Variants in TENM2 observed in about 807,000 individuals in gnomAD.
TENM2 encodes teneurin transmembrane protein 2.
Under a neutral mutation model 245.2 loss-of-function variants are expected in TENM2, and 52 were observed. The ratio of observed to expected loss-of-function variants is 0.21; its 90% CI spans 0.17 to 0.27. The LOEUF is 0.27. Ranked by LOEUF, TENM2 falls within the 10% of genes least tolerant of loss-of-function variation. The pLI is 1.00. For missense variants in TENM2, 3,046 were observed against 3,666.8 expected (o/e 0.83, Z 4.37); for synonymous variants, 1,363 against 1,438.9 (o/e 0.95, Z 1.19).
intron 3 of TENM2, chr5:167,938,119 T>C (rs1649464464): frequency 6.6e-6 from 1 of 152,224 alleles, no homozygotes; most frequent in Non-Finnish European, 1.5e-5. Flanking sequence ...AGACAGTTGA[T>C]AAATACCACA....
intron 25 of TENM2, among the ~76,000 whole-genome samples, chr5:168,228,780 C>T (rs1764514610): frequency 7.7e-6 from 1 of 129,528 alleles, no homozygotes; most frequent in Non-Finnish European, 1.5e-5. Flanking sequence ...GGAGTTTTAG[C>T]CAACCCTCGT....
chr5:168,047,011 G>A (rs1056465356), intron 5 of TENM2, among the ~76,000 whole-genome samples: 2 of 152,160 alleles, frequency 1.3e-5, no homozygotes, highest in Non-Finnish European at 2.9e-5. Context: ...TGTATAGTTT[G>A]GGGAAACAAT....
chr5:167,169,523 A>G, the TENM2 span, among the ~76,000 whole-genome samples: 1 of 152,116 alleles, frequency 6.6e-6, no homozygotes. Context: ...CTCTCCCTGT[A>G]AAATAATCAG....
At chr5:167,589,061 G>T (rs184967826) in intron 2 of TENM2, among the ~76,000 whole-genome samples, 2 of 152,208 alleles carry the variant, frequency 1.3e-5, no homozygotes, top group African/African-American at 4.8e-5. Flanking sequence ...AATTAGCTGG[G>T]TCTATTGGCA....
chr5:167,806,659 C>T (rs1766199233), intron 2 of TENM2, among the ~76,000 whole-genome samples: 1 of 152,094 alleles, frequency 6.6e-6, no homozygotes, highest in African/African-American at 2.4e-5. Context: ...CTTGTGACAT[C>T]AACTGCGAAG....
chr5:167,929,069 G>GAAAGA (rs1554148034), intron 3 of TENM2, among the ~76,000 whole-genome samples: 3 of 18,846 alleles, frequency 1.6e-4, no homozygotes, highest in African/African-American at 7.0e-4. Context: ...GAGAAAGAAA[G>GAAAGA]AAAGAAAGAA....
At chr5:167,885,958 C>T (rs563714749) in intron 3 of TENM2, among the ~76,000 whole-genome samples, 3 of 152,330 alleles carry the variant, frequency 2.0e-5, no homozygotes, top group East Asian at 1.9e-4. Flanking sequence ...GCTGGGATTA[C>T]AGGCATGAGC....
chr5:167,346,929 C>T (rs936068917), intron 1 of TENM2, among the ~76,000 whole-genome samples: 1 of 152,028 alleles, frequency 6.6e-6, no homozygotes, highest in Non-Finnish European at 1.5e-5. Context: ...TGTACGCCTC[C>T]ACACCCAGCT....
chr5:167,395,066 G>T (rs1761976110), intron 2 of TENM2, among the ~76,000 whole-genome samples: 1 of 152,104 alleles, frequency 6.6e-6, no homozygotes, highest in African/African-American at 2.4e-5. Context: ...TGCATTGGAG[G>T]TGTAGATTGC....
chr5:167,593,962 A>C (rs1776038881), intron 2 of TENM2, among the ~76,000 whole-genome samples: 1 of 152,220 alleles, frequency 6.6e-6, no homozygotes, highest in African/African-American at 2.4e-5. Flanking sequence ...AACCACATGT[A>C]GATTTAGAGA....
At chr5:167,721,851 C>T (rs915015591) in intron 2 of TENM2, among the ~76,000 whole-genome samples, 4 of 152,140 alleles carry the variant, frequency 2.6e-5, no homozygotes, top group African/African-American at 7.2e-5. Flanking sequence ...ATTTCCAATG[C>T]GATTTGACAG....
chr5:167,724,991 C>T (rs777722341), intron 2 of TENM2, among the ~76,000 whole-genome samples: 3 of 152,134 alleles, frequency 2.0e-5, no homozygotes, highest in Non-Finnish European at 4.4e-5. Flanking sequence ...AATGTCCTTT[C>T]TTTTCCAAAT....
chr5:167,148,012 C>A, the TENM2 span, among the ~76,000 whole-genome samples: 1 of 152,156 alleles, frequency 6.6e-6, no homozygotes, highest in Non-Finnish European at 1.5e-5. Flanking sequence ...TGCCACTTAT[C>A]TCTAGATTCC....
intron 23 of TENM2, among the ~76,000 whole-genome samples, chr5:168,221,489 T>C (rs1763668187): frequency 6.6e-6 from 1 of 152,192 alleles, no homozygotes; most frequent in Non-Finnish European, 1.5e-5. Context: ...GGGCTATGAA[T>C]GGAATTTGTA....
At chr5:167,538,677 G>A (rs1374813904) in intron 2 of TENM2, among the ~76,000 whole-genome samples, 3 of 152,118 alleles carry the variant, frequency 2.0e-5, no homozygotes, top group African/African-American at 2.4e-5. Context: ...AAAGCCAATC[G>A]GAAAACAGTC....
chr5:167,773,215 G>A (rs2973668), intron 2 of TENM2, among the ~76,000 whole-genome samples: 150,148 of 152,330 alleles, frequency 0.99, 74,027 homozygotes, highest in Middle Eastern at 1. Context: ...TTTTTAAAGT[G>A]CACAAATTGA....
At chr5:167,690,196 T>C (rs1184383530) in intron 2 of TENM2, among the ~76,000 whole-genome samples, 9 of 151,100 alleles carry the variant, frequency 6.0e-5, no homozygotes, top group Non-Finnish European at 2.9e-5. Context: ...ATATGATCAC[T>C]TCCTACATGT....
rs562563418 is a variant in TENM2, at chr5:168,079,184, T to G, written c.1516-11390T>G. 4.5e-3 allele frequency among the ~76,000 whole-genome samples: 685 copies of G among 152,364 alleles called. 1 individual carries two copies. Among genetic ancestry groups the G allele is most frequent in the African/African-American group, 0.016 (652 of 41,584 alleles). On this transcript the variant is annotated intron_variant, in intron 7 of 28. Coordinates refer to ENST00000518659, the Ensembl canonical transcript of TENM2. The stretch of plus-strand genomic sequence containing the variant: ...TGGATTCCTAGGTATTTTATTCTCT[T>G]TGAAGCAATTGTGAATGGGAGTTCA...
chr5:167,123,611 G>A, the TENM2 span, among the ~76,000 whole-genome samples: 3 of 152,098 alleles, frequency 2.0e-5, no homozygotes, highest in Non-Finnish European at 4.4e-5. Flanking sequence ...GGTAGGATAT[G>A]TTTAGGAAAA....
Sources: gnomAD v4.1 joint callset for allele counts (sites outside exome capture counted in the v4.1 genomes callset) on GRCh38, gnomAD v4.1.1 for gene constraint, MANE v1.5 for transcripts, NCBI Gene and HGNC (gene_info 2026-07-23, HGNC 2026-07-21) for gene names.